PSMB8: variants seen among roughly 807,000 people sequenced by gnomAD.
PSMB8 encodes proteasome subunit beta type-8.
A neutral mutation model predicts 32.3 loss-of-function variants in PSMB8; 20 were observed. The ratio of observed to expected loss-of-function variants is 0.62; its 90% confidence interval spans 0.44 to 0.90. The LOEUF is 0.90. Among genes scored for constraint, PSMB8 ranks in the 40% least tolerant of loss-of-function variants. The probability of loss-of-function intolerance (pLI) is 0.00; values close to 1 mark genes in which losing one functional copy is unlikely to be tolerated. For synonymous variants in PSMB8, 131 were observed against 135.4 expected, an observed-to-expected ratio of 0.97 and a Z score of 0.23; for missense variants, 342 against 365.4, an observed-to-expected ratio of 0.94 and a Z score of 0.52.
chr6:32,842,083 G>C (rs942616765), intron 4 of PSMB8, 51 bp downstream of exon 4: 1 of 1,612,546 alleles, frequency 6.2e-7, no homozygotes, highest in African/African-American at 1.3e-5. Flanking sequence ...AAACAGATCT[G>C]TCATCCATAG....
chr6:32,843,447 A>T (rs72854938), intron 1 of PSMB8, among the ~76,000 whole-genome samples: 4,622 of 152,272 alleles, frequency 0.03, 75 homozygotes, highest in South Asian at 0.035. Flanking sequence ...GGGGCTTGGG[A>T]CCTAGACTAA....
At chr6:32,844,646 G>C (rs552698052), upstream of PSMB8, 3 of 565,954 alleles carry the variant, frequency 5.3e-6, no homozygotes, top group Non-Finnish European at 9.4e-6. Flanking sequence ...CCTTCCTAGC[G>C]TTGCTCCCTG....
rs1359687163 is a variant in PSMB8, at chr6:32,842,727, A to G, written c.352T>C (p.Ser118Pro). The G allele has an allele frequency of 3.7e-6, 6 of 1,614,078 alleles. No homozygotes were observed. The highest frequency in any genetic ancestry group is 5.1e-6 in the Non-Finnish European group (6 of 1,180,038). ...EINPYLLGTM[S>P]GCAADCQYWE... ...TACTGACAGTCTGCTGCACAGCCAG[A>G]CATGGTGCCAAGCAGGTAAGGGTTA... Residue 118 changes from serine (S) to proline (P), a missense_variant, in exon 3 of 6, where the codon TCT (serine) becomes CCT (proline). By Grantham distance (74) the Ser-to-Pro change is moderately conservative. Coordinates refer to ENST00000374882, the MANE Select transcript of PSMB8 (RefSeq NM_148919.4).
chr6:32,843,986 A>C lies in PSMB8; in HGVS notation c.11T>G (p.Leu4Arg). 1 of 1,611,934 alleles carries C rather than the reference A, an allele frequency of 6.2e-7. No individual in the cohort carries two copies. The highest frequency in any genetic ancestry group is 1.1e-5 in the South Asian group (1 of 90,986). The stretch of plus-strand genomic sequence containing the variant: ...CCCTCGGGGGGCTCCGCATACATCT[A>C]GTAGCGCCATGACCGCCCAGCACCC... MAL[L>R]DVCGAPRGQR... is the part of the protein sequence containing the mutation. Residue 4 changes from leucine (L) to arginine (R), a missense_variant, in exon 1 of 6, where the codon CTA (leucine) becomes CGA (arginine). Transcript: ENST00000374882.
chr6:32,841,419 G>A lies in PSMB8; in HGVS notation c.742+112C>T, dbSNP rs1769889588. The stretch of plus-strand genomic sequence containing the variant: ...CGTCCGGCTAATTTTTGTAGTTTTA[G>A]TAGAGACGGGGTTTCGCCATGTTGG... On this transcript the variant is annotated intron_variant, in intron 5 of 5. Coordinates refer to ENST00000374882, the MANE Select transcript of PSMB8 (RefSeq NM_148919.4). The A allele has an allele frequency of 3.5e-6, 4 of 1,140,408 alleles. No individual in the cohort carries two copies. In the East Asian group the frequency reaches 9.4e-5, roughly 27 times the overall value. 70.6% of individuals were successfully genotyped at this position (1,140,408 alleles called of 1,614,324 possible).
chr6:32,843,006 GGCGA>G lies in PSMB8; in HGVS notation c.227_230del (p.Leu76ProfsTer8), dbSNP rs1582609458. 6.2e-7 allele frequency: 1 copy of G among 1,613,134 alleles called. No individual in the cohort carries two copies. The stretch of plus-strand genomic sequence containing the variant: ...CAATCACTCCATGCTGGAACTTGAA[GGCGA>G]GCGTGGTGGTGCCATGGGCCATCTC... On this transcript the variant is annotated frameshift_variant, in exon 2 of 6. Coordinates refer to ENST00000374882, the MANE Select transcript of PSMB8 (RefSeq NM_148919.4). LOFTEE classifies it high-confidence loss of function.
chr6:32,844,168 C>T (rs890816439), upstream of PSMB8: 6 of 1,528,930 alleles, frequency 3.9e-6, no homozygotes, highest in Admixed American at 6.0e-5. Flanking sequence ...CTTCTCTGCT[C>T]TCCCGTTATG....
upstream of PSMB8, chr6:32,844,536 C>G: frequency 8.1e-7 from 1 of 1,228,924 alleles, no homozygotes; most frequent in Non-Finnish European, 1.2e-6. Context: ...GGAGAGGGCG[C>G]AGTCTCTGAA....
intron 1 of PSMB8, 81 bp from the exon 2 acceptor site, chr6:32,843,170 A>G: frequency 6.8e-7 from 1 of 1,478,030 alleles, no homozygotes; most frequent in Non-Finnish European, 9.4e-7. Flanking sequence ...AGGGAGTATG[A>G]GGGTGAGGAG....
In PSMB8 at chr6:32,840,954, C is replaced by T. The variant is rs375936338; in HGVS notation, c.*5G>A. The T allele has an allele frequency of 5.4e-5, 87 of 1,610,638 alleles. No homozygotes were observed. The highest frequency in any genetic ancestry group is 5.1e-4 in the African/African-American group (38 of 74,958). ...AGGAGACCTGCCCAGCTGCCACCAC[C>T]ACCATTATTGATTGGCTTCCCGGTA... On this transcript the variant is annotated 3_prime_UTR_variant, in exon 6 of 6. Transcript: ENST00000374882.
At position 32,840,839 on chromosome 6, in the gene PSMB8, G is replaced by T; in HGVS notation, c.*120C>A. The T allele has an allele frequency of 1.2e-6, 1 of 815,528 alleles. No individual in the cohort carries two copies. The highest frequency in any genetic ancestry group is 2.1e-6 in the Non-Finnish European group (1 of 476,878). The allele number at this position is 815,528 out of a possible 1,614,324, so 50.5% of individuals were successfully genotyped here. On this transcript the variant is annotated 3_prime_UTR_variant, in exon 6 of 6. Transcript: ENST00000374882. ...TTCACCGGCCTCCTCTGGCTGCTGA[G>T]CCCGTACTCTCTCTTTGGCTCAGGC...
At position 32,842,569 on chromosome 6, in the gene PSMB8, A is replaced by C. The variant is rs1769981539; in HGVS notation, c.407+103T>G. 12 of 1,092,548 alleles carry C rather than the reference A, an allele frequency of 1.1e-5. No individual in the cohort carries two copies. In the South Asian group the frequency reaches 1.5e-4, roughly 14 times the overall value. 67.7% of individuals were successfully genotyped at this position (1,092,548 alleles called of 1,614,324 possible). A position where few individuals can be genotyped will look rare whatever the true frequency, so the allele number is the denominator to read the frequency against. ...AAGCTGTTTTGTGAAATATACTATT[A>C]GCACTAAGATGGACCACATAGGACA... On this transcript the variant is annotated intron_variant, in intron 3 of 5. Transcript: ENST00000374882.
At chr6:32,841,506 G>A (rs1251812224) in intron 5 of PSMB8, 25 bp downstream of exon 5, 1 of 1,605,714 alleles carries the variant, frequency 6.2e-7, no homozygotes, top group South Asian at 1.1e-5. Context: ...TCCCAGGCAT[G>A]GTGGTGGGAG....
chr6:32,843,323 A>C (rs1299760988), intron 1 of PSMB8, among the ~76,000 whole-genome samples: 1 of 152,242 alleles, frequency 6.6e-6, no homozygotes, highest in African/African-American at 2.4e-5. Context: ...GAAAGCAAGC[A>C]CATGTTACCA....
chr6:32,842,080 T>A, intron 4 of PSMB8, 54 bp downstream of exon 4: 2 of 1,612,624 alleles, frequency 1.2e-6, no homozygotes, highest in Non-Finnish European at 1.7e-6. Context: ...GGGAAACAGA[T>A]CTGTCATCCA....
intron 1 of PSMB8, 51 bp from the exon 2 acceptor site, chr6:32,843,140 A>G (rs1251546931): frequency 6.2e-7 from 1 of 1,602,464 alleles, no homozygotes; most frequent in Non-Finnish European, 8.5e-7. Flanking sequence ...CTGTAGTAAG[A>G]GGCTCCAGGA....
Position 32,840,816 on chromosome 6 carries a change from C to T in PSMB8, c.*143G>A, listed in dbSNP as rs1426190599. On this transcript the variant is annotated 3_prime_UTR_variant, in exon 6 of 6. Coordinates refer to ENST00000374882, the MANE Select transcript of PSMB8 (RefSeq NM_148919.4). Reference sequence around the variant, plus strand: ...TAGAGAACACGCAGAAGATGCACTTCACCGGCCTCCTCTGGCTGCTGAGCC... The same window carrying T: ...TAGAGAACACGCAGAAGATGCACTTTACCGGCCTCCTCTGGCTGCTGAGCC... 2 of 699,672 alleles carry T rather than the reference C, an allele frequency of 2.9e-6. No homozygotes were observed. The highest frequency in any genetic ancestry group is 5.1e-6 in the Non-Finnish European group (2 of 392,012). The allele number at this position is 699,672 out of a possible 1,614,324, so 43.3% of individuals were successfully genotyped here.
At chr6:32,844,191 A>T (rs1770154167), upstream of PSMB8, 1 of 1,554,054 alleles carries the variant, frequency 6.4e-7, no homozygotes, top group African/African-American at 1.4e-5. Flanking sequence ...GGTCGGGGGA[A>T]TGATGGGTCA....
chr6:32,841,025 A>G lies in PSMB8; in HGVS notation c.765T>C (p.Gly255=). 1 of 1,612,914 alleles carries G rather than the reference A, an allele frequency of 6.2e-7. No homozygotes were observed. Among genetic ancestry groups the G allele is most frequent in the Non-Finnish European group, 8.5e-7 (1 of 1,178,950 alleles). The change falls in exon 6 of 6, where the codon GGT becomes GGC. Residue 255 remains glycine, a synonymous_variant. Coordinates refer to ENST00000374882, the MANE Select transcript of PSMB8 (RefSeq NM_148919.4). ...VVNMYHMKED[G]WVKVESTDVS... Reference sequence around the variant, plus strand: ...CATCTGTACTTTCTACTTTCACCCAACCATCTTCCTTCATGTGGTACACTG... The same window carrying G: ...CATCTGTACTTTCTACTTTCACCCAGCCATCTTCCTTCATGTGGTACACTG...
Sources: gnomAD v4.1 joint callset for allele counts (sites outside exome capture counted in the v4.1 genomes callset) on GRCh38, gnomAD v4.1.1 for gene constraint, MANE v1.5 for transcripts, NCBI Gene and HGNC (gene_info 2026-07-23, HGNC 2026-07-21) for gene names.